SMURF1: variants seen among roughly 807,000 people sequenced by gnomAD.
The protein encoded by SMURF1 is E3 ubiquitin-protein ligase SMURF1.
SMURF1 carries 44 observed loss-of-function variants against 98.0 expected under a neutral mutation model. That is an observed-to-expected ratio of 0.45 (90% CI 0.35 to 0.58). The LOEUF is 0.58. Among genes scored for constraint, SMURF1 ranks in the 20% least tolerant of loss-of-function variants. The pLI is 0.00. For missense variants in SMURF1, 687 were observed against 938.4 expected (o/e 0.73, Z 3.50); for synonymous variants, 396 against 374.9 (o/e 1.06, Z -0.65).
At position 99,055,174 on chromosome 7, in the gene SMURF1, A is replaced by C. The variant is rs564480283; in HGVS notation, c.404-309T>G. On this transcript the variant is annotated intron_variant, in intron 5 of 17. Transcript: ENST00000361368. ...TTTCAAGAAGATTTATTTTTTAAGA[A>C]GACTTTTTTTGGGCCAGGCACGGTG... Among the ~76,000 whole-genome samples, 6 of 152,288 alleles carry C rather than the reference A, an allele frequency of 3.9e-5. No homozygotes were observed. The South Asian group carries it at 1.2e-3, about 32-fold the overall frequency.
intron 10 of SMURF1, among the ~76,000 whole-genome samples, chr7:99,046,914 C>T (rs1314686754): frequency 6.6e-6 from 1 of 152,150 alleles, no homozygotes; most frequent in African/African-American, 2.4e-5. Context: ...TCAGGCCCAG[C>T]CCTCGCGGTG....
chr7:99,089,990 T>C (rs1299611090), intron 1 of SMURF1, among the ~76,000 whole-genome samples: 1 of 152,160 alleles, frequency 6.6e-6, no homozygotes, highest in African/African-American at 2.4e-5. Context: ...AGCCTTCATA[T>C]GATAGCATTT....
intron 14 of SMURF1, among the ~76,000 whole-genome samples, 168 bp from the exon 15 acceptor site, chr7:99,037,355 A>G (rs1454831764): frequency 1.3e-5 from 2 of 151,706 alleles, no homozygotes; most frequent in African/African-American, 4.8e-5. Context: ...CTTCTGCCTC[A>G]CCCTCCCCAG....
At chr7:99,037,260 CAG>C in intron 14 of SMURF1, 73 bp from the exon 15 acceptor site, 1 of 1,589,668 alleles carries the variant, frequency 6.3e-7, no homozygotes, top group Admixed American at 1.7e-5. Context: ...TTTTTGGAGA[CAG>C]GGTCTCACTC....
chr7:99,125,992 G>A (rs1797735879), intron 1 of SMURF1, among the ~76,000 whole-genome samples: 1 of 152,110 alleles, frequency 6.6e-6, no homozygotes, highest in South Asian at 2.1e-4. Context: ...TTACCACATG[G>A]TCTCTCAGCC....
chr7:99,110,727 C>T (rs780149485), intron 1 of SMURF1, among the ~76,000 whole-genome samples: 6 of 152,196 alleles, frequency 3.9e-5, no homozygotes, highest in Non-Finnish European at 7.3e-5. Flanking sequence ...CTGGCAATGT[C>T]GTCCATAGAC....
At chr7:99,074,146 C>T (rs567738832) in intron 1 of SMURF1, among the ~76,000 whole-genome samples, 35 of 152,260 alleles carry the variant, frequency 2.3e-4, no homozygotes, top group African/African-American at 8.2e-4. Flanking sequence ...GCAGACAGAA[C>T]TAATATATGC....
At chr7:99,036,926 C>T (rs1233793304) in intron 15 of SMURF1, 141 bp downstream of exon 15, 5 of 1,255,346 alleles carry the variant, frequency 4.0e-6, no homozygotes, top group African/African-American at 1.5e-5. Flanking sequence ...CTTGCTCCAG[C>T]CCTGGCTCTA....
intron 16 of SMURF1, among the ~76,000 whole-genome samples, chr7:99,034,871 A>G (rs967057947): frequency 6.6e-6 from 1 of 152,172 alleles, no homozygotes; most frequent in Admixed American, 6.5e-5. Flanking sequence ...TGTGTTTACA[A>G]TGTGTCTGTG....
At position 99,052,429 on chromosome 7, in the gene SMURF1, G is replaced by C. The variant is rs773473254; in HGVS notation, c.497C>G (p.Ser166Cys). The C allele has an allele frequency of 8.2e-6, 13 of 1,576,154 alleles. No homozygotes were observed. In the South Asian group the frequency reaches 1.3e-4, roughly 16 times the overall value. The change falls in exon 7 of 18, where the codon TCC becomes TGC. Residue 166 changes from serine (S) to cysteine (C), a missense_variant. Ser to Cys is a moderately radical substitution (Grantham distance 112). This residue lies in a region of SMURF1 where 415 missense variants were observed against 508.4 expected (regional missense o/e 0.82). Coordinates refer to ENST00000361368, the MANE Select transcript of SMURF1 (RefSeq NM_181349.3). ...LENEGTVYEDSGPGRPLSCFM... is the reference protein window; with the variant it reads ...LENEGTVYEDCGPGRPLSCFM... The stretch of plus-strand genomic sequence containing the variant: ...GCAGCTGAGCGGCCTCCCAGGCCCG[G>C]AGTCTTCATACACCGTTCTGAAAGG...
At chr7:99,063,529 A>G (rs935727885) in intron 1 of SMURF1, among the ~76,000 whole-genome samples, 2 of 149,736 alleles carry the variant, frequency 1.3e-5, no homozygotes, top group African/African-American at 4.9e-5. Flanking sequence ...GCCTCAAGCA[A>G]TCCTCCCAAC....
intron 9 of SMURF1, chr7:99,048,206 GGT>G (rs543510072): frequency 2.4e-4 from 69 of 293,606 alleles, no homozygotes; most frequent in African/African-American, 1.4e-3. Flanking sequence ...TGGACAACAT[GGT>G]GAAACCCGGT....
chr7:99,137,237 C>A (rs1028593974), intron 1 of SMURF1, among the ~76,000 whole-genome samples: 2 of 152,136 alleles, frequency 1.3e-5, no homozygotes, highest in African/African-American at 4.8e-5. Context: ...CTGTGCTACT[C>A]TATAAATAAT....
intron 1 of SMURF1, among the ~76,000 whole-genome samples, chr7:99,117,216 G>A (rs1014178601): frequency 1.4e-4 from 21 of 151,904 alleles, no homozygotes; most frequent in African/African-American, 4.8e-4. Context: ...ATTCAGAATA[G>A]AACAAAGATC....
intron 1 of SMURF1, among the ~76,000 whole-genome samples, chr7:99,118,765 C>G (rs569462832): frequency 6.6e-6 from 1 of 152,088 alleles, no homozygotes; most frequent in Non-Finnish European, 1.5e-5. Context: ...TAATTATACA[C>G]GTAAATTTTA....
chr7:99,034,701 G>C (rs780674398), intron 16 of SMURF1, among the ~76,000 whole-genome samples: 8 of 152,160 alleles, frequency 5.3e-5, no homozygotes, highest in Non-Finnish European at 1.5e-5. Flanking sequence ...TCCCAGATAC[G>C]AGCGGGGCTC....
At chr7:99,071,372 C>CG (rs1448958608) in intron 1 of SMURF1, among the ~76,000 whole-genome samples, 2 of 152,042 alleles carry the variant, frequency 1.3e-5, no homozygotes, top group African/African-American at 4.8e-5. Flanking sequence ...AAACGGGACA[C>CG]GGAACTTTTT....
At chr7:99,080,770 T>C (rs138472555) in intron 1 of SMURF1, among the ~76,000 whole-genome samples, 237 of 152,194 alleles carry the variant, frequency 1.6e-3, no homozygotes, top group Non-Finnish European at 2.5e-3. Context: ...GCAAGCAAAA[T>C]TACAGGCGAT....
intron 8 of SMURF1, chr7:99,049,925 C>A: frequency 2.2e-6 from 1 of 455,268 alleles, no homozygotes; most frequent in Non-Finnish European, 3.8e-6. Flanking sequence ...TAAAACCAAA[C>A]TTTCAGGCTG....
Sources: allele counts gnomAD v4.1 joint callset (sites outside exome capture counted in the v4.1 genomes callset), GRCh38; gene constraint gnomAD v4.1.1; regional missense constraint gnomAD v4.1.1; transcripts MANE v1.5; gene names NCBI Gene and HGNC (gene_info 2026-07-23, HGNC 2026-07-21).